MYH14: variants seen among roughly 807,000 people sequenced by gnomAD.
MYH14 encodes myosin-14.
MYH14 carries 123 observed loss-of-function variants against 255.5 expected under a neutral mutation model. That is an observed-to-expected ratio of 0.48 (90% CI 0.42 to 0.56). The LOEUF is 0.56. Ranked by LOEUF, MYH14 falls within the 20% of genes least tolerant of loss-of-function variation. The pLI is 0.00. For missense variants in MYH14, 2,423 were observed against 2,802.3 expected (o/e 0.86, Z 3.06); for synonymous variants, 1,095 against 1,161.2 (o/e 0.94, Z 1.16).
Position 50,276,232 on chromosome 19 carries a change from A to C in MYH14, c.3680+29A>C. The C allele has an allele frequency of 6.7e-7, 1 of 1,487,098 alleles. No homozygotes were observed. The allele number at this position is 1,487,098 out of a possible 1,614,324, so 92.1% of individuals were successfully genotyped here. ...AGGCCCGGTGGCAGGCCGCTGTCAC[A>C]GCCTGTGCACATACAGGGCTGGGGG... On this transcript the variant is annotated intron_variant, in intron 28 of 42. Coordinates refer to ENST00000642316, the MANE Select transcript of MYH14 (RefSeq NM_001145809.2). This position sits in a 1 kb window ranked among gnomAD's most constrained non-coding sequence, Gnocchi z 4.3.
chr19:50,278,596 CAG>C (rs1282456640), intron 30 of MYH14, among the ~76,000 whole-genome samples: 2 of 151,870 alleles, frequency 1.3e-5, no homozygotes, highest in East Asian at 3.9e-4. Flanking sequence ...CCCAGCTACT[CAG>C]GGGACTGAGG....
chr19:50,266,967 A>C lies in MYH14; in HGVS notation c.2785A>C (p.Ser929Arg). 1 of 1,563,494 alleles carries C rather than the reference A, an allele frequency of 6.4e-7. No homozygotes were observed. Among genetic ancestry groups the C allele is most frequent in the Middle Eastern group, 1.8e-4 (1 of 5,656 alleles). ...GAAAGTGCAGGAGCTACAGCAGCAG[A>C]GCGCCCGCGAAGTTGGGGAGCTCCA... ...LQKVQELQQQ[S>R]AREVGELQGR... Residue 929 changes from serine to arginine, a missense_variant, in exon 23 of 43, where the codon AGC (serine) becomes CGC (arginine). Physicochemically the swap from Ser to Arg is moderately radical, Grantham distance 110. Transcript: ENST00000642316. This position sits in a 1 kb window ranked among gnomAD's most constrained non-coding sequence, Gnocchi z 4.1.
In MYH14 at chr19:50,266,857, C is replaced by G. The variant is rs749700840; in HGVS notation, c.2695-20C>G. On this transcript the variant is annotated intron_variant, in intron 22 of 42. Coordinates refer to ENST00000642316, the MANE Select transcript of MYH14 (RefSeq NM_001145809.2). This position sits in a 1 kb window ranked among gnomAD's most constrained non-coding sequence, Gnocchi z 4.1. ...TTGGCGCCTGAAGTCAGCCATTCCA[C>G]CCCTTTCACCTCCACCTAGGTGAAG... 3.2e-6 allele frequency: 5 copies of G among 1,551,588 alleles called. No homozygotes were observed. Among genetic ancestry groups the G allele is most frequent in the Non-Finnish European group, 3.5e-6 (4 of 1,146,930 alleles).
At chr19:50,282,127 A>T (rs756814344) in intron 33 of MYH14, among the ~76,000 whole-genome samples, 3 of 152,206 alleles carry the variant, frequency 2.0e-5, no homozygotes, top group Non-Finnish European at 4.4e-5. Context: ...AGTACCCCAG[A>T]GATTGCTTAT....
At position 50,230,712 on chromosome 19, in the gene MYH14, G is replaced by A; in HGVS notation, c.973+89G>A. The A allele has an allele frequency of 2.7e-6, 3 of 1,102,640 alleles. No individual in the cohort carries two copies. In the South Asian group the frequency reaches 4.1e-5, roughly 15 times the overall value. The allele number at this position is 1,102,640 out of a possible 1,614,324, so 68.3% of individuals were successfully genotyped here. On this transcript the variant is annotated intron_variant, in intron 9 of 42. Transcript: ENST00000642316. The surrounding 1 kb of genome is among the most constrained non-coding windows in gnomAD (Gnocchi z 4.7). The stretch of plus-strand genomic sequence containing the variant: ...CCCCTTCTGGGGAGGAAGCAAGAGT[G>A]GGGGGCTCTAATATCCGTCAAACAC...
At chr19:50,220,709 T>G (rs2032776961) in intron 3 of MYH14, among the ~76,000 whole-genome samples, 1 of 152,072 alleles carries the variant, frequency 6.6e-6, no homozygotes, top group East Asian at 1.9e-4. Context: ...CATGCCACCA[T>G]GCACAGCTAA....
rs2035890917 is a variant in MYH14, at chr19:50,286,462, C to T, written c.4540-20C>T. 3 of 1,604,476 alleles carry T rather than the reference C, an allele frequency of 1.9e-6. No homozygotes were observed. Among genetic ancestry groups the T allele is most frequent in the East Asian group, 2.2e-5 (1 of 44,676 alleles). ...TCAGCTAATCTATTTCCCCCTACCCCATCTCCCTCAAACTGGAAGCTTCTG... is the reference window on the plus strand; with the variant it reads ...TCAGCTAATCTATTTCCCCCTACCCTATCTCCCTCAAACTGGAAGCTTCTG... On this transcript the variant is annotated intron_variant, in intron 33 of 42. Transcript: ENST00000642316.
At chr19:50,246,577 GCA>G (rs1162722773) in intron 11 of MYH14, among the ~76,000 whole-genome samples, 3 of 152,184 alleles carry the variant, frequency 2.0e-5, no homozygotes, top group African/African-American at 7.2e-5. Context: ...AGCTGAGATT[GCA>G]TCACTGCACT....
rs937480235 is a variant in MYH14 at position 50,266,321 on chromosome 19, G to A, written c.2695-556G>A. Among the ~76,000 whole-genome samples, 1 of 152,198 alleles carries A rather than the reference G, an allele frequency of 6.6e-6. No individual in the cohort carries two copies. The highest frequency in any genetic ancestry group is 2.4e-5 in the African/African-American group (1 of 41,450). Reference sequence around the variant, plus strand: ...TCATGCCTATATCCCAACACTTTGGGAGGCTGAGGTGGGTGGATTACTTGA... The same window carrying A: ...TCATGCCTATATCCCAACACTTTGGAAGGCTGAGGTGGGTGGATTACTTGA... On this transcript the variant is annotated intron_variant, in intron 22 of 42. Coordinates refer to ENST00000642316, the MANE Select transcript of MYH14 (RefSeq NM_001145809.2). The surrounding 1 kb of genome is among the most constrained non-coding windows in gnomAD (Gnocchi z 4.1).
intron 18 of MYH14, among the ~76,000 whole-genome samples, chr19:50,257,866 A>G (rs2034649388): frequency 6.6e-6 from 1 of 152,190 alleles, no homozygotes; most frequent in Non-Finnish European, 1.5e-5. Flanking sequence ...CAGTGAAGTT[A>G]GGGAAGGTTC....
intron 8 of MYH14, among the ~76,000 whole-genome samples, chr19:50,228,762 T>C (rs2033231530): frequency 6.6e-6 from 1 of 152,124 alleles, no homozygotes; most frequent in Non-Finnish European, 1.5e-5. Flanking sequence ...CTGCTCACTT[T>C]CTCCTGTCCA....
intron 10 of MYH14, among the ~76,000 whole-genome samples, chr19:50,241,418 AG>A (rs1323821374): frequency 6.6e-6 from 1 of 152,108 alleles, no homozygotes; most frequent in African/African-American, 2.4e-5. Flanking sequence ...CTGATGACAC[AG>A]CAAGACTCTA....
rs1322415333 is a variant in MYH14, at chr19:50,257,354, T to C, written c.2100T>C (p.Gly700=). Residue 700 remains glycine (G), a synonymous_variant, in exon 18 of 43, where the codon GGT becomes GGC. Transcript: ENST00000642316. ...GCAGCCTGGGCGACGGCCCACCAGGTGGCCGCCCCCGTCGGGGTATGTTCC... is the reference window on the plus strand; with the variant it reads ...GCAGCCTGGGCGACGGCCCACCAGGCGGCCGCCCCCGTCGGGGTATGTTCC... ...QVSSLGDGPP[G]GRPRRGMFRT... The C allele has an allele frequency of 1.6e-5, 25 of 1,609,310 alleles. No homozygotes were observed. The East Asian group carries it at 5.1e-4, about 33-fold the overall frequency.
Position 50,272,793 on chromosome 19 carries a change from G to A in MYH14, c.3467+62G>A, listed in dbSNP as rs1000727686. On this transcript the variant is annotated intron_variant, in intron 27 of 42. Transcript: ENST00000642316. ...TGGGTGCACGGCCAGCCAGCGTGGGGTGCCCAAGTCAGAAGCTCCTGGGTA... is the reference window on the plus strand; with the variant it reads ...TGGGTGCACGGCCAGCCAGCGTGGGATGCCCAAGTCAGAAGCTCCTGGGTA... 48 of 1,510,826 alleles carry A rather than the reference G, an allele frequency of 3.2e-5. No homozygotes were observed. The African/African-American group carries it at 4.3e-4, about 13-fold the overall frequency. 93.6% of individuals were successfully genotyped at this position (1,510,826 alleles called of 1,614,324 possible).
rs377046198 is a variant in MYH14, at chr19:50,271,983, G to A, written c.3295+11G>A. On this transcript the variant is annotated intron_variant, in intron 26 of 42. Transcript: ENST00000642316. ...TCGCAGACATGGAGGGTGAGCTCCC[G>A]CCCAGCCAGTAGGGGTCTGTGTGTG... is the stretch of plus-strand genomic sequence containing the variant. The A allele has an allele frequency of 7.7e-5, 124 of 1,605,224 alleles. No individual in the cohort carries two copies. The highest frequency in any genetic ancestry group is 1.4e-4 in the Admixed American group (8 of 58,772).
chr19:50,296,196 G>A (rs1312626480), intron 39 of MYH14, among the ~76,000 whole-genome samples: 4 of 152,136 alleles, frequency 2.6e-5, no homozygotes, highest in Non-Finnish European at 5.9e-5. Context: ...AACTGGTGAT[G>A]TATTTTATAC....
In MYH14 at chr19:50,259,146, C is replaced by T. The variant is rs1392849324; in HGVS notation, c.2235C>T (p.Ala745=). The change falls in exon 19 of 43, where the codon GCC becomes GCT. Residue 745 remains alanine, a splice_region_variant and synonymous_variant. Transcript: ENST00000642316. ...RCIVPNHEKR[A]GKLEPRLVLD... is the part of the protein sequence containing the mutation. ...GCGTGTCCGTCCGCTCTCCCCAGGCCGGGAAGCTGGAGCCACGGCTGGTGC... is the reference window on the plus strand; with the variant it reads ...GCGTGTCCGTCCGCTCTCCCCAGGCTGGGAAGCTGGAGCCACGGCTGGTGC... 6 of 1,554,060 alleles carry T rather than the reference C, an allele frequency of 3.9e-6. No individual in the cohort carries two copies. The South Asian group carries it at 4.7e-5, about 12-fold the overall frequency.
chr19:50,272,451 G>A, intron 26 of MYH14, 109 bp from the exon 27 acceptor site: 1 of 1,141,452 alleles, frequency 8.8e-7, no homozygotes, highest in South Asian at 1.3e-5. Context: ...GGCGTTAAGG[G>A]AGGTGCTGAG....
In MYH14 at chr19:50,276,735, T is replaced by G; in HGVS notation, c.3681-22T>G. ...TTCCTCTGCTCTGAAATTCCCATCC[T>G]CTCTCCTTTCCCCCAATAAAGGTCC... On this transcript the variant is annotated intron_variant, in intron 28 of 42. Transcript: ENST00000642316. The surrounding 1 kb of genome is among the most constrained non-coding windows in gnomAD (Gnocchi z 4.3). 6.2e-7 allele frequency: 1 copy of G among 1,612,970 alleles called. No individual in the cohort carries two copies. The highest frequency in any genetic ancestry group is 1.1e-5 in the South Asian group (1 of 91,010).
Sources: allele counts gnomAD v4.1 joint callset (sites outside exome capture counted in the v4.1 genomes callset), GRCh38; gene constraint gnomAD v4.1.1; non-coding constraint Gnocchi (gnomAD v3.1); transcripts MANE v1.5; gene names NCBI Gene and HGNC (gene_info 2026-07-23, HGNC 2026-07-21).